Variants in GRIP2 observed in about 807,000 individuals in gnomAD.
The protein encoded by GRIP2 is glutamate receptor-interacting protein 2.
A neutral mutation model predicts 108.3 loss-of-function variants in GRIP2; 58 were observed. The observed-to-expected ratio is 0.54, with a 90% CI of 0.43 to 0.67. The LOEUF (loss-of-function observed/expected upper bound fraction) is 0.67, where lower values mean the gene tolerates loss of function less well. GRIP2 is among the 30% of genes least tolerant of loss of function. The probability of loss-of-function intolerance (pLI) is 0.00; values close to 1 mark genes in which losing one functional copy is unlikely to be tolerated. For missense variants in GRIP2, 1,278 were observed against 1,430.6 expected (o/e 0.89, Z 1.72); for synonymous variants, 586 against 598.2 (o/e 0.98, Z 0.30).
the GRIP2 span, among the ~76,000 whole-genome samples, chr3:14,595,839 C>G: frequency 1.3e-5 from 2 of 152,320 alleles, no homozygotes; most frequent in Non-Finnish European, 2.9e-5. Context: ...AGGGGCAGCC[C>G]AGGGCCTGGC....
At chr3:14,574,373 C>A in the GRIP2 span, 1 of 929,036 alleles carries the variant, frequency 1.1e-6, no homozygotes. Context: ...GCCGCGGCCC[C>A]GCGGTGCTCA....
Position 14,522,976 on chromosome 3 carries a change from T to C in GRIP2, c.566+24A>G, listed in dbSNP as rs1694455044. ...AGTTGGGGCAGGTCAGTGCAGTGTG[T>C]GGATTTCTTCTGCCTCGGCTCACCT... On this transcript the variant is annotated intron_variant, in intron 6 of 23. Transcript: ENST00000621039. The surrounding 1 kb of genome is among the most constrained non-coding windows in gnomAD (Gnocchi z 4.3). 6.2e-7 allele frequency: 1 copy of C among 1,608,654 alleles called. No individual in the cohort carries two copies. Among genetic ancestry groups the C allele is most frequent in the African/African-American group, 1.3e-5 (1 of 74,926 alleles).
At chr3:14,544,915 C>T (rs73033845), upstream of GRIP2, among the ~76,000 whole-genome samples, 533 of 152,310 alleles carry the variant, frequency 3.5e-3, 9 homozygotes, top group Non-Finnish European at 3.9e-3. Flanking sequence ...CCAAGGTATT[C>T]CACATCTTCC....
chr3:14,556,011 T>C, exon 1 of GRIP2: 2 of 398,770 alleles, frequency 5.0e-6, no homozygotes, highest in East Asian at 7.1e-5. Flanking sequence ...CTCCCACGCC[T>C]GGAGCCGGCG....
At chr3:14,558,028 C>A (rs1327456930), upstream of GRIP2, among the ~76,000 whole-genome samples, 1 of 152,172 alleles carries the variant, frequency 6.6e-6, no homozygotes, top group African/African-American at 2.4e-5. Context: ...GGAGCCCAAC[C>A]CCTTGTGTGT....
At chr3:14,519,613 T>C (rs73132025) in intron 9 of GRIP2, among the ~76,000 whole-genome samples, 4,389 of 147,764 alleles carry the variant, frequency 0.03, 204 homozygotes, top group African/African-American at 0.098. Context: ...TGGCCCCAAC[T>C]GTGCCCTCTG....
chr3:14,547,032 C>T (rs545144768), upstream of GRIP2, among the ~76,000 whole-genome samples: 33 of 152,286 alleles, frequency 2.2e-4, no homozygotes, highest in Middle Eastern at 3.4e-3. Flanking sequence ...GTAAAGGTGA[C>T]CTGGGACTCC....
chr3:14,504,112 A>T (rs916146539), intron 20 of GRIP2, among the ~76,000 whole-genome samples: 5 of 152,084 alleles, frequency 3.3e-5, no homozygotes, highest in Non-Finnish European at 7.3e-5. Context: ...GATGGAGAGG[A>T]TGAAATAACT....
rs1338636179 is a variant in GRIP2, at chr3:14,512,700, G to A, written c.1720+77C>T. 1.8e-5 allele frequency: 25 copies of A among 1,398,912 alleles called. No homozygotes were observed. Among genetic ancestry groups the A allele is most frequent in the Non-Finnish European group, 2.1e-5 (21 of 998,008 alleles). 86.7% of individuals were successfully genotyped at this position (1,398,912 alleles called of 1,614,324 possible). ...AGGGTGTCACGCCATGGAAATGCTGGTCTGAGCTTGGCAAGCTCTTTTTCC... is the reference window on the plus strand; with the variant it reads ...AGGGTGTCACGCCATGGAAATGCTGATCTGAGCTTGGCAAGCTCTTTTTCC... On this transcript the variant is annotated intron_variant, in intron 14 of 23. Coordinates refer to ENST00000621039, the MANE Select transcript of GRIP2 (RefSeq NM_001080423.4). This position sits in a 1 kb window ranked among gnomAD's most constrained non-coding sequence, Gnocchi z 5.1.
At chr3:14,591,189 T>C in the GRIP2 span, among the ~76,000 whole-genome samples, 9 of 152,200 alleles carry the variant, frequency 5.9e-5, no homozygotes, top group African/African-American at 2.2e-4. Context: ...AACTCTCAAC[T>C]TCATCTTGAA....
intron 1 of GRIP2, among the ~76,000 whole-genome samples, chr3:14,533,064 G>A (rs1694750847): frequency 6.6e-6 from 1 of 152,172 alleles, no homozygotes; most frequent in Non-Finnish European, 1.5e-5. Context: ...CCTGGGGTTG[G>A]GTCCTCAGCA....
intron 1 of GRIP2, among the ~76,000 whole-genome samples, chr3:14,547,225 T>G (rs113385521): frequency 6.6e-6 from 1 of 152,188 alleles, no homozygotes; most frequent in Non-Finnish European, 1.5e-5. Flanking sequence ...GAATGAGATC[T>G]ACCCCGTGGT....
At chr3:14,519,946 C>T (rs1488217448) in intron 9 of GRIP2, among the ~76,000 whole-genome samples, 164 bp downstream of exon 9, 1 of 152,256 alleles carries the variant, frequency 6.6e-6, no homozygotes, top group African/African-American at 2.4e-5. Flanking sequence ...ACCTTCCCAC[C>T]CTCAGTTGCT....
rs1701383695 is a variant in GRIP2 at position 14,493,583 on chromosome 3, G to T, written c.*82C>A. Reference sequence around the variant, plus strand: ...AGACCAACAGATGAATGAGTGGGTGGCCGCTTCTCCAGCCCAGCTACGTGT... The same window carrying T: ...AGACCAACAGATGAATGAGTGGGTGTCCGCTTCTCCAGCCCAGCTACGTGT... On this transcript the variant is annotated 3_prime_UTR_variant, in exon 24 of 24. Coordinates refer to ENST00000621039, the MANE Select transcript of GRIP2 (RefSeq NM_001080423.4). 2.8e-6 allele frequency: 4 copies of T among 1,416,846 alleles called. No homozygotes were observed. In the East Asian group the frequency reaches 1.0e-4, roughly 36 times the overall value. 87.8% of individuals were successfully genotyped at this position (1,416,846 alleles called of 1,614,324 possible).
At chr3:14,517,494 CT>C (rs146509076) in intron 10 of GRIP2, among the ~76,000 whole-genome samples, 50 of 107,752 alleles carry the variant, frequency 4.6e-4, no homozygotes, top group Middle Eastern at 4.4e-3. Flanking sequence ...ATCTCTCTCT[CT>C]TTTTTTTTTT....
the GRIP2 span, among the ~76,000 whole-genome samples, chr3:14,572,131 C>T: frequency 1.3e-5 from 2 of 152,066 alleles, no homozygotes; most frequent in East Asian, 3.8e-4. Context: ...ATTTCGGTAC[C>T]GGAGGCATGT....
At chr3:14,553,861 G>A (rs1695191910) in intron 1 of GRIP2, among the ~76,000 whole-genome samples, 1 of 152,148 alleles carries the variant, frequency 6.6e-6, no homozygotes, top group African/African-American at 2.4e-5. Context: ...CAAGTTCCTT[G>A]TGCCTCCCTC....
At chr3:14,528,926 A>G (rs1694633331) in intron 1 of GRIP2, among the ~76,000 whole-genome samples, 1 of 152,098 alleles carries the variant, frequency 6.6e-6, no homozygotes, top group African/African-American at 2.4e-5. Flanking sequence ...AGATGTAATA[A>G]TGTGTGCTTT....
At chr3:14,578,127 C>A in the GRIP2 span, among the ~76,000 whole-genome samples, 1 of 152,232 alleles carries the variant, frequency 6.6e-6, no homozygotes, top group African/African-American at 2.4e-5. Flanking sequence ...AAGAAAGCCT[C>A]TGAAGCTGAG....
Sources: allele counts gnomAD v4.1 joint callset (sites outside exome capture counted in the v4.1 genomes callset), GRCh38; gene constraint gnomAD v4.1.1; non-coding constraint Gnocchi (gnomAD v3.1); transcripts MANE v1.5; gene names NCBI Gene and HGNC (gene_info 2026-07-23, HGNC 2026-07-21).